Variants in LPP observed in about 807,000 individuals in gnomAD.
LPP encodes lipoma-preferred partner.
Under a neutral mutation model 60.4 loss-of-function variants are expected in LPP, and 38 were observed. The observed-to-expected ratio is 0.63, with a 90% confidence interval of 0.49 to 0.83. LPP has a LOEUF of 0.83. Ranked by LOEUF, LPP falls within the 40% of genes least tolerant of loss-of-function variation. The pLI is 0.00. For missense variants in LPP, 902 were observed against 783.6 expected (o/e 1.15, Z -1.80); for synonymous variants, 328 against 290.8 (o/e 1.13, Z -1.30).
intron 7 of LPP, among the ~76,000 whole-genome samples, chr3:188,690,325 G>C (rs1167971914): frequency 6.6e-6 from 1 of 152,162 alleles, no homozygotes; most frequent in Non-Finnish European, 1.5e-5. Flanking sequence ...TTCCTTTGGA[G>C]GTTAGAGCTT....
intron 6 of LPP, among the ~76,000 whole-genome samples, chr3:188,588,155 C>G (rs1837895049): frequency 6.6e-6 from 1 of 152,164 alleles, no homozygotes; most frequent in Non-Finnish European, 1.5e-5. Flanking sequence ...GCGTATACAG[C>G]TCTGACAATA....
intron 1 of LPP, among the ~76,000 whole-genome samples, chr3:188,184,388 A>G (rs925259453): frequency 1.3e-5 from 2 of 152,206 alleles, no homozygotes; most frequent in Non-Finnish European, 2.9e-5. Context: ...GCTGTCACTG[A>G]AAGATAAACT....
intron 3 of LPP, among the ~76,000 whole-genome samples, chr3:188,374,681 A>G (rs1483115140): frequency 1.3e-5 from 2 of 152,134 alleles, no homozygotes; most frequent in South Asian, 2.1e-4. Context: ...CTTTTTTCCT[A>G]ATTTAATACC....
intron 6 of LPP, among the ~76,000 whole-genome samples, chr3:188,560,598 C>A (rs1830445531): frequency 6.6e-6 from 1 of 152,080 alleles, no homozygotes; most frequent in Non-Finnish European, 1.5e-5. Flanking sequence ...TTAGTTCTCT[C>A]CAGAGATACA....
chr3:188,253,076 T>A (rs568462234), intron 2 of LPP, among the ~76,000 whole-genome samples: 1 of 151,094 alleles, frequency 6.6e-6, no homozygotes, highest in East Asian at 1.9e-4. Context: ...CTCAGTCCTT[T>A]TTTTTTTTTT....
intron 7 of LPP, among the ~76,000 whole-genome samples, chr3:188,631,591 T>G (rs927494164): frequency 3.3e-5 from 5 of 152,158 alleles, no homozygotes; most frequent in Admixed American, 2.6e-4. Context: ...CATCTGACTA[T>G]TGGTTGAATT....
intron 1 of LPP, among the ~76,000 whole-genome samples, chr3:188,191,920 A>G (rs1258204265): frequency 2.6e-5 from 4 of 152,204 alleles, no homozygotes; most frequent in African/African-American, 7.2e-5. Flanking sequence ...AAATAACTCT[A>G]GGTCTGCCAG....
intron 7 of LPP, among the ~76,000 whole-genome samples, chr3:188,676,594 C>T (rs1487049218): frequency 2.6e-5 from 4 of 152,072 alleles, no homozygotes; most frequent in African/African-American, 9.7e-5. Context: ...CAAATTGTGC[C>T]AGGGTAAAGG....
chr3:188,640,358 G>A (rs1849808064), intron 7 of LPP, among the ~76,000 whole-genome samples: 1 of 132,274 alleles, frequency 7.6e-6, no homozygotes, highest in Non-Finnish European at 1.6e-5. Context: ...TCACACTCTG[G>A]GGACTGTTGT....
intron 1 of LPP, among the ~76,000 whole-genome samples, chr3:188,168,539 T>C (rs1027102808): frequency 2.0e-5 from 3 of 152,198 alleles, no homozygotes; most frequent in Admixed American, 6.5e-5. Context: ...AATTCATTCT[T>C]AAATGAATAA....
chr3:188,453,971 T>C (rs1018814535), intron 4 of LPP, among the ~76,000 whole-genome samples: 8 of 152,240 alleles, frequency 5.3e-5, no homozygotes, highest in Non-Finnish European at 1.2e-4. Context: ...GTCTATCTTA[T>C]GTAGTATGAT....
chr3:188,602,214 T>C (rs1347066670), intron 6 of LPP, among the ~76,000 whole-genome samples: 1 of 137,394 alleles, frequency 7.3e-6, no homozygotes, highest in Non-Finnish European at 1.5e-5. Context: ...GTTAGGTTGT[T>C]TTCCAACTCA....
At chr3:188,783,543 G>A (rs1224113858) in intron 9 of LPP, among the ~76,000 whole-genome samples, 1 of 122,278 alleles carries the variant, frequency 8.2e-6, no homozygotes, top group Non-Finnish European at 1.7e-5. Flanking sequence ...AACAAGCACT[G>A]GGATCTACTT....
At chr3:188,333,020 C>T in intron 2 of LPP, among the ~76,000 whole-genome samples, 1 of 150,276 alleles carries the variant, frequency 6.7e-6, no homozygotes, top group African/African-American at 2.5e-5. Context: ...ACATTATAGG[C>T]TCACTTCTGG....
At chr3:188,242,697 G>A (rs59447844) in intron 2 of LPP, among the ~76,000 whole-genome samples, 2,581 of 152,204 alleles carry the variant, frequency 0.017, 68 homozygotes, top group African/African-American at 0.056. Flanking sequence ...TGATCATCAA[G>A]GTCCCTTCTG....
intron 2 of LPP, among the ~76,000 whole-genome samples, chr3:188,330,324 A>G (rs994514809): frequency 6.6e-6 from 1 of 152,216 alleles, no homozygotes; most frequent in African/African-American, 2.4e-5. Context: ...AGTAAATCTG[A>G]TAAGCTGTGG....
At chr3:188,281,653 A>C (rs1489718900) in intron 2 of LPP, among the ~76,000 whole-genome samples, 1 of 150,486 alleles carries the variant, frequency 6.6e-6, no homozygotes, top group Admixed American at 6.6e-5. Flanking sequence ...GGATGAGGAC[A>C]TAGGTAGGGA....
intron 1 of LPP, among the ~76,000 whole-genome samples, chr3:188,192,696 T>A (rs981679817): frequency 2.6e-5 from 4 of 152,154 alleles, no homozygotes; most frequent in Non-Finnish European, 5.9e-5. Flanking sequence ...GACTACAAAG[T>A]CTGAACGTTC....
At chr3:188,805,958 T>C (rs539630186) in intron 9 of LPP, among the ~76,000 whole-genome samples, 1 of 152,060 alleles carries the variant, frequency 6.6e-6, no homozygotes, top group South Asian at 2.1e-4. Flanking sequence ...TAACTTAAAT[T>C]CATCTAAATT....
Sources: gnomAD v4.1 joint callset for allele counts (sites outside exome capture counted in the v4.1 genomes callset) on GRCh38, gnomAD v4.1.1 for gene constraint, MANE v1.5 for transcripts, NCBI Gene and HGNC (gene_info 2026-07-23, HGNC 2026-07-21) for gene names.